The following CAPN15 variants were observed in gnomAD, a reference collection of about 807,000 sequenced individuals.
CAPN15 encodes calpain-15.
A neutral mutation model predicts 97.9 loss-of-function variants in CAPN15; 53 were observed. The ratio of observed to expected loss-of-function variants is 0.54; its 90% CI spans 0.43 to 0.68. CAPN15 has a LOEUF of 0.68. Among genes scored for constraint, CAPN15 ranks in the 30% least tolerant of loss-of-function variants. CAPN15 has a pLI of 0.00. For missense variants in CAPN15, 1,592 were observed against 1,589.8 expected (o/e 1.00, Z -0.02); for synonymous variants, 922 against 722.5 (o/e 1.28, Z -4.43).
chr16:529,608 G>A (rs576835233), intron 1 of CAPN15, among the ~76,000 whole-genome samples: 6 of 152,346 alleles, frequency 3.9e-5, no homozygotes, highest in South Asian at 2.1e-4. Flanking sequence ...GGCCTGAGCC[G>A]CTCAGTGAAG....
rs765382095 is a variant in CAPN15 at position 547,942 on chromosome 16, G to A, written c.1104G>A (p.Leu368=). 30 of 1,600,242 alleles carry A rather than the reference G, an allele frequency of 1.9e-5. No individual in the cohort carries two copies. Among genetic ancestry groups the A allele is most frequent in the Non-Finnish European group, 2.6e-5 (30 of 1,174,520 alleles). ...PRCSACGCSK[L]HGFQEHGEPP... ...GCTCGGCCTGCGGCTGCTCCAAACT[G>A]CACGGCTTCCAGGAGCATGGCGAGC... Residue 368 remains leucine (L), a synonymous_variant, in exon 4 of 14, where the codon CTG becomes CTA. Coordinates refer to ENST00000219611, the MANE Select transcript of CAPN15 (RefSeq NM_005632.3).
At chr16:537,280 G>A (rs969651136) in intron 3 of CAPN15, 28 of 985,426 alleles carry the variant, frequency 2.8e-5, no homozygotes, top group African/African-American at 1.0e-4. Context: ...CTGAGTGAGC[G>A]CAGGGGAGCA....
intron 3 of CAPN15, chr16:540,026 A>C: frequency 1.1e-6 from 1 of 951,768 alleles, no homozygotes; most frequent in Non-Finnish European, 1.3e-6. Context: ...GTGTGTGTGA[A>C]TCATGCTGTT....
intron 3 of CAPN15, chr16:540,443 C>T: frequency 2.6e-6 from 2 of 754,808 alleles, no homozygotes; most frequent in Non-Finnish European, 3.2e-6. Flanking sequence ...GTGCCCCCTC[C>T]TTGGCAGAGG....
intron 2 of CAPN15, 47 bp downstream of exon 2, chr16:534,045 G>A (rs1010020333): frequency 4.3e-5 from 40 of 929,100 alleles, no homozygotes; most frequent in Non-Finnish European, 4.9e-5. Flanking sequence ...GTTTGCTTGC[G>A]CTGCAGAACT....
Position 548,223 on chromosome 16 carries a change from G to T in CAPN15, c.1385G>T (p.Arg462Leu). 6.5e-7 allele frequency: 1 copy of T among 1,550,186 alleles called. No individual in the cohort carries two copies. The highest frequency in any genetic ancestry group is 2.0e-5 in the Admixed American group (1 of 49,438). ...RRRESMHVEQ[R>L]RQTDEGEAKA... ...AGGGAGAGCATGCACGTGGAGCAGC[G>T]GCGGCAGACAGACGAGGGCGAGGCC... The change falls in exon 4 of 14, where the codon CGG becomes CTG. Residue 462 changes from arginine (R) to leucine (L), a missense_variant. By Grantham distance (102) the Arg-to-Leu change is moderately radical. Coordinates refer to ENST00000219611, the MANE Select transcript of CAPN15 (RefSeq NM_005632.3).
At chr16:548,803 T>C (rs1218589293) in intron 4 of CAPN15, among the ~76,000 whole-genome samples, 190 bp from the exon 5 acceptor site, 1 of 152,200 alleles carries the variant, frequency 6.6e-6, no homozygotes, top group Non-Finnish European at 1.5e-5. Context: ...CGCCAGCCGG[T>C]GGCCTCTCCA....
intron 3 of CAPN15, chr16:539,470 G>A (rs533688166): frequency 1.3e-5 from 2 of 152,428 alleles, no homozygotes; most frequent in African/African-American, 2.4e-5. Flanking sequence ...AAGCACAGGT[G>A]GGCCGCGTGT....
chr16:546,885 A>G lies in CAPN15; in HGVS notation c.47A>G (p.Asn16Ser). Residue 16 changes from asparagine to serine, a missense_variant, in exon 4 of 14, where the codon AAC (asparagine) becomes AGC (serine). By Grantham distance (46) the Asn-to-Ser change is conservative. Around this residue, in one of 3 missense-constraint regions of CAPN15, gnomAD observed 883 missense variants for 776.6 expected, o/e 1.14. Transcript: ENST00000219611. The stretch of plus-strand genomic sequence containing the variant: ...TCCTGTGTGCGCTGCACCTTCCTGA[A>G]CCCGGCCGGCCAGCGCCAGTGCTCC... ...EWSCVRCTFL[N>S]PAGQRQCSIC... 6.2e-7 allele frequency: 1 copy of G among 1,611,480 alleles called. No homozygotes were observed. The highest frequency in any genetic ancestry group is 8.5e-7 in the Non-Finnish European group (1 of 1,179,740).
chr16:528,859 C>T (rs2141937084), intron 1 of CAPN15: 1 of 733,782 alleles, frequency 1.4e-6, no homozygotes, highest in Non-Finnish European at 1.7e-6. Context: ...GGATCTCTTC[C>T]TCTGCCCAGG....
chr16:551,468 G>T lies in CAPN15; in HGVS notation c.2192+41G>T, dbSNP rs762075808. The T allele has an allele frequency of 3.1e-6, 5 of 1,600,620 alleles. 1 individual carries two copies. The highest frequency in any genetic ancestry group is 2.2e-5 in the South Asian group (2 of 90,724). ...CTGAGGGTGGGTGGGGTGCCGGTGAGACTCGGGCAGTGTGGTTCAGATCCT... is the reference window on the plus strand; with the variant it reads ...CTGAGGGTGGGTGGGGTGCCGGTGATACTCGGGCAGTGTGGTTCAGATCCT... On this transcript the variant is annotated intron_variant, in intron 8 of 13. Coordinates refer to ENST00000219611, the MANE Select transcript of CAPN15 (RefSeq NM_005632.3).
intron 3 of CAPN15, chr16:537,005 A>C: frequency 2.4e-6 from 1 of 411,262 alleles, no homozygotes; most frequent in Non-Finnish European, 3.3e-6. Context: ...CTCCTCTGGC[A>C]GCGGATCGGG....
Position 551,614 on chromosome 16 carries a change from G to A in CAPN15, c.2295G>A (p.Pro765=), listed in dbSNP as rs143897279. Residue 765 remains proline, a synonymous_variant, in exon 9 of 14, where the codon CCG becomes CCA. Coordinates refer to ENST00000219611, the MANE Select transcript of CAPN15 (RefSeq NM_005632.3). ...WPGHLRGELM[P]HGSSEGVFWM... Reference sequence around the variant, plus strand: ...GGCACCTGCGTGGCGAGCTCATGCCGCACGGCAGCAGTGAGGGTGTCTTCT... The same window carrying A: ...GGCACCTGCGTGGCGAGCTCATGCCACACGGCAGCAGTGAGGGTGTCTTCT... 2,218 of 1,606,468 alleles carry A rather than the reference G, an allele frequency of 1.4e-3. 27 individuals are homozygous for A. In the African/African-American group the frequency reaches 0.023, roughly 17 times the overall value.
At position 547,079 on chromosome 16, in the gene CAPN15, C is replaced by G; in HGVS notation, c.241C>G (p.Pro81Ala). 1 of 1,597,956 alleles carries G rather than the reference C, an allele frequency of 6.3e-7. No homozygotes were observed. The highest frequency in any genetic ancestry group is 1.3e-5 in the African/African-American group (1 of 74,886). Residue 81 changes from proline to alanine, a missense_variant, in exon 4 of 14, where the codon CCA becomes GCA. This residue lies in a region of CAPN15 where 883 missense variants were observed against 776.6 expected (regional missense o/e 1.14). Transcript: ENST00000219611. ...PEPAPGAAFL[P>A]VLNGVLPKPP... is the part of the protein sequence containing the mutation. ...GCCTGCGCCTGGGGCTGCCTTCCTG[C>G]CAGTCCTCAACGGGGTCCTCCCCAA...
In CAPN15 at chr16:547,833, C is replaced by T. The variant is rs375062678; in HGVS notation, c.995C>T (p.Thr332Met). The T allele has an allele frequency of 3.4e-5, 54 of 1,608,836 alleles. No individual in the cohort carries two copies. The highest frequency in any genetic ancestry group is 8.0e-5 in the African/African-American group (6 of 74,914). ...IDLAGDTVRY[T>M]PASPSSPDFT... Reference sequence around the variant, plus strand: ...CTGGCCGGAGACACCGTGCGTTACACGCCCGCCAGCCCCTCCAGCCCCGAC... The same window carrying T: ...CTGGCCGGAGACACCGTGCGTTACATGCCCGCCAGCCCCTCCAGCCCCGAC... Residue 332 changes from threonine to methionine, a missense_variant, in exon 4 of 14, where the codon ACG (threonine) becomes ATG (methionine). Physicochemically the swap from Thr to Met is moderately conservative, Grantham distance 81. This residue lies in a region of CAPN15 where 883 missense variants were observed against 776.6 expected (regional missense o/e 1.14). Coordinates refer to ENST00000219611, the MANE Select transcript of CAPN15 (RefSeq NM_005632.3).
intron 3 of CAPN15, among the ~76,000 whole-genome samples, chr16:541,190 A>C (rs2034087427): frequency 6.6e-6 from 1 of 152,238 alleles, no homozygotes; most frequent in Admixed American, 6.5e-5. Context: ...GGCAGTGGGC[A>C]AGGCCATGGC....
intron 1 of CAPN15, among the ~76,000 whole-genome samples, chr16:529,813 T>G (rs1281271563): frequency 6.6e-6 from 1 of 152,202 alleles, no homozygotes; most frequent in Non-Finnish European, 1.5e-5. Context: ...GTGTCTGTCC[T>G]GGGTGGCCAC....
chr16:546,507 C>T (rs573176507), intron 3 of CAPN15, among the ~76,000 whole-genome samples: 1 of 152,238 alleles, frequency 6.6e-6, no homozygotes, highest in Non-Finnish European at 1.5e-5. Flanking sequence ...CTGCCGTCCA[C>T]AGGCCTGGTG....
intron 3 of CAPN15, among the ~76,000 whole-genome samples, chr16:546,165 G>C (rs553500811): frequency 6.6e-6 from 1 of 152,372 alleles, no homozygotes; most frequent in South Asian, 2.1e-4. Context: ...CACGGAGTTC[G>C]CTCGGCTCCA....
Sources: allele counts gnomAD v4.1 joint callset (sites outside exome capture counted in the v4.1 genomes callset), GRCh38; gene constraint gnomAD v4.1.1; regional missense constraint gnomAD v4.1.1; transcripts MANE v1.5; gene names NCBI Gene and HGNC (gene_info 2026-07-23, HGNC 2026-07-21).